The following RPS6KA2 variants were observed in gnomAD, a reference collection of about 807,000 sequenced individuals.
RPS6KA2 encodes ribosomal protein S6 kinase A2, also known as ribosomal protein S6 kinase alpha-2.
Under a neutral mutation model 91.8 loss-of-function variants are expected in RPS6KA2, and 42 were observed. The observed-to-expected ratio is 0.46, with a 90% CI of 0.36 to 0.59. The LOEUF (loss-of-function observed/expected upper bound fraction) is 0.59. RPS6KA2 is among the 20% of genes least tolerant of loss of function. The probability of loss-of-function intolerance (pLI) is 0.00; values close to 1 mark genes in which losing one functional copy is unlikely to be tolerated. For missense variants in RPS6KA2, 798 were observed against 978.5 expected (o/e 0.82, Z 2.46); for synonymous variants, 414 against 393.6 (o/e 1.05, Z -0.61).
intron 2 of RPS6KA2, among the ~76,000 whole-genome samples, chr6:166,653,871 G>A (rs1484343037): frequency 1.3e-5 from 2 of 152,168 alleles, no homozygotes; most frequent in East Asian, 1.9e-4. Context: ...TCATTAATAC[G>A]TTTTATTTAA....
At chr6:166,790,569 AC>A (rs1193041683) in intron 2 of RPS6KA2, among the ~76,000 whole-genome samples, 2 of 152,142 alleles carry the variant, frequency 1.3e-5, no homozygotes, top group Non-Finnish European at 2.9e-5. Context: ...TGTCAGATTC[AC>A]CAAAGTTGAA....
intron 2 of RPS6KA2, among the ~76,000 whole-genome samples, chr6:166,715,817 C>A (rs917555880): frequency 4.6e-5 from 7 of 152,112 alleles, no homozygotes; most frequent in African/African-American, 1.7e-4. Context: ...GCAGGCGGAT[C>A]ATCTGAGGTC....
intron 2 of RPS6KA2, among the ~76,000 whole-genome samples, chr6:166,744,419 T>C (rs9459737): frequency 0.15 from 23,070 of 152,192 alleles, 2,218 homozygotes; most frequent in African/African-American, 0.27. Context: ...GGAGCGTTGC[T>C]GCCCGCTGAG....
At chr6:166,786,644 C>T (rs1449941867) in intron 2 of RPS6KA2, among the ~76,000 whole-genome samples, 2 of 151,826 alleles carry the variant, frequency 1.3e-5, no homozygotes, top group East Asian at 3.9e-4. Context: ...AACAAAAATG[C>T]TACAATTATA....
chr6:166,440,132 T>C (rs1779473269), intron 14 of RPS6KA2: 1 of 152,200 alleles, frequency 6.6e-6, no homozygotes, highest in African/African-American at 2.4e-5. Flanking sequence ...TTTAAGCCAC[T>C]AGATGTGGGG....
chr6:166,844,841 A>C (rs1780568471), intron 2 of RPS6KA2, among the ~76,000 whole-genome samples: 1 of 137,804 alleles, frequency 7.3e-6, no homozygotes, highest in Non-Finnish European at 1.6e-5. Flanking sequence ...ATCTCACAGA[A>C]CCTATATAAC....
rs553282966 is a variant in RPS6KA2, at chr6:166,438,416, C to T, written c.1333-5926G>A. On this transcript the variant is annotated intron_variant, in intron 14 of 20. Coordinates refer to ENST00000265678, the MANE Select transcript of RPS6KA2 (RefSeq NM_021135.6). ...GCTCCAGGCCTGCGTGGTCACGCCG[C>T]GTCACTACAGTTAACAGCTGGGTGA... Among the ~76,000 whole-genome samples the T allele has an allele frequency of 5.2e-5, 8 of 152,396 alleles. No individual in the cohort carries two copies. The East Asian group carries it at 1.5e-3, about 29-fold the overall frequency.
intron 2 of RPS6KA2, among the ~76,000 whole-genome samples, chr6:166,671,636 G>A (rs557860578): frequency 4.6e-5 from 7 of 152,328 alleles, no homozygotes; most frequent in African/African-American, 1.2e-4. Flanking sequence ...GCGAGCTGCC[G>A]TGGGTAATTT....
chr6:166,574,316 T>TCCCTCCTC (rs1784778840), intron 1 of RPS6KA2, among the ~76,000 whole-genome samples: 1 of 152,100 alleles, frequency 6.6e-6, no homozygotes. Flanking sequence ...TGCCCCTCCT[T>TCCCTCCTC]CCCTCCTCCC....
Position 166,782,725 on chromosome 6 carries a change from C to T in RPS6KA2, c.123+75475G>A, listed in dbSNP as rs562522463. 3.9e-5 allele frequency among the ~76,000 whole-genome samples: 6 copies of T among 152,286 alleles called. No individual in the cohort carries two copies. The South Asian group carries it at 1.0e-3, about 26-fold the overall frequency. ...GGATGGCCAGGAGAGAGCCGGGGCCCTACCTGACGTCAGAACTGTCCTCCC... is the reference window on the plus strand; with the variant it reads ...GGATGGCCAGGAGAGAGCCGGGGCCTTACCTGACGTCAGAACTGTCCTCCC... On this transcript the variant is annotated intron_variant, in intron 2 of 21. Transcript: ENST00000503859.
In RPS6KA2 at chr6:166,430,512, C is replaced by T. The variant is rs1183944423; in HGVS notation, c.1522G>A (p.Glu508Lys). ...ATGGTGCACAGGACGTCACTGGCTT[C>T]GCGCTCCGAGAAGTATCTCTGCCGG... is the stretch of plus-strand genomic sequence containing the variant. ...ILRQRYFSER[E>K]ASDVLCTITK... is the part of the protein sequence containing the mutation. Residue 508 changes from glutamate (E) to lysine (K), a missense_variant, in exon 16 of 21, where the codon GAA (glutamate) becomes AAA (lysine). Physicochemically the swap from Glu to Lys is moderately conservative, Grantham distance 56. Transcript: ENST00000265678. The T allele has an allele frequency of 3.1e-6, 5 of 1,614,024 alleles. No homozygotes were observed. The highest frequency in any genetic ancestry group is 1.3e-5 in the African/African-American group (1 of 74,924).
At chr6:166,808,979 T>C (rs1366449763) in intron 2 of RPS6KA2, among the ~76,000 whole-genome samples, 1 of 152,178 alleles carries the variant, frequency 6.6e-6, no homozygotes, top group Non-Finnish European at 1.5e-5. Flanking sequence ...AAGACACTAA[T>C]AGTGATGGTA....
chr6:166,607,586 CA>C (rs1785999245), intron 1 of RPS6KA2, among the ~76,000 whole-genome samples: 1 of 152,042 alleles, frequency 6.6e-6, no homozygotes, highest in African/African-American at 2.4e-5. Context: ...TCTACGGAGA[CA>C]GAAAGTGGAT....
chr6:166,638,034 C>T lies in RPS6KA2; in HGVS notation c.124-99250G>A, dbSNP rs1582972229. Among the ~76,000 whole-genome samples the T allele has an allele frequency of 2.0e-5, 3 of 152,272 alleles. No individual in the cohort carries two copies. In the South Asian group the frequency reaches 6.2e-4, roughly 31 times the overall value. On this transcript the variant is annotated intron_variant, in intron 2 of 21. Transcript: ENST00000503859. ...TTTGTGGCCACAGCCAGCCTTCGCCCAGGGGCACGGCCTCGGTTCACCGCC... is the reference window on the plus strand; with the variant it reads ...TTTGTGGCCACAGCCAGCCTTCGCCTAGGGGCACGGCCTCGGTTCACCGCC...
At chr6:166,765,867 G>A (rs78286684) in intron 2 of RPS6KA2, among the ~76,000 whole-genome samples, 2,755 of 152,232 alleles carry the variant, frequency 0.018, 98 homozygotes, top group African/African-American at 0.062. Context: ...GGCACTCAGC[G>A]ACTACCAGCT....
chr6:166,816,862 GTGCTCCACAGAGCACCACTGAC>G (rs1478197299), intron 2 of RPS6KA2, among the ~76,000 whole-genome samples: 5 of 152,114 alleles, frequency 3.3e-5, no homozygotes, highest in East Asian at 1.9e-4. Context: ...ACAACAGGTA[GTGCTCCACAGAGCACCACTGAC>G]TGCTCCACAG....
chr6:166,416,953 A>T (rs1778552904), intron 19 of RPS6KA2, among the ~76,000 whole-genome samples: 1 of 152,324 alleles, frequency 6.6e-6, no homozygotes, highest in Middle Eastern at 3.4e-3. Context: ...TTGCACTGAG[A>T]TGTCAACAGC....
intron 1 of RPS6KA2, among the ~76,000 whole-genome samples, chr6:166,561,365 C>T (rs78152048): frequency 0.012 from 1,831 of 152,198 alleles, 17 homozygotes; most frequent in Non-Finnish European, 0.019. Flanking sequence ...TTCCTCCCCT[C>T]CACCATTCTT....
At position 166,750,138 on chromosome 6, in the gene RPS6KA2, C is replaced by CA. The variant is rs1791232485; in HGVS notation, c.123+108061dup. ...GAGAGAAGTTGGCTTCCTGGAGCCC[C>CA]ACTCTGTGCTACTGTGAAGGGCGGT... On this transcript the variant is annotated intron_variant, in intron 2 of 21. Transcript: ENST00000503859. Among the ~76,000 whole-genome samples the CA allele has an allele frequency of 2.0e-5, 3 of 152,322 alleles. No homozygotes were observed. The South Asian group carries it at 6.2e-4, about 32-fold the overall frequency.
Sources: allele counts gnomAD v4.1 joint callset (sites outside exome capture counted in the v4.1 genomes callset), GRCh38; gene constraint gnomAD v4.1.1; transcripts MANE v1.5; gene names NCBI Gene and HGNC (gene_info 2026-07-23, HGNC 2026-07-21).